AP3D1: variants seen among roughly 807,000 people sequenced by gnomAD.
AP3D1 encodes the protein AP-3 complex subunit delta-1.
In AP3D1, 51 loss-of-function variants were observed where a neutral mutation model predicts 147.6. The observed-to-expected ratio is 0.35, with a 90% CI of 0.28 to 0.44. The LOEUF (loss-of-function observed/expected upper bound fraction) is 0.44. Ranked by LOEUF, AP3D1 falls within the 20% of genes least tolerant of loss-of-function variation. AP3D1 has a pLI of 1.00. For synonymous variants in AP3D1, 760 were observed against 663.0 expected, an observed-to-expected ratio of 1.15 and a Z score of -2.25; for missense variants, 1,421 against 1,624.2, an observed-to-expected ratio of 0.87 and a Z score of 2.15.
chr19:2,164,455 G>C (rs2144622206), exon 1 of AP3D1: 1 of 366,830 alleles, frequency 2.7e-6, no homozygotes, highest in Non-Finnish European at 4.7e-6. Flanking sequence ...CGCAGGGTGG[G>C]AGCCCCGCGC....
In AP3D1 at chr19:2,101,904, C is replaced by A; in HGVS notation, c.*269G>T. Reference sequence around the variant, plus strand: ...ACTCGGCCCCCAGCGCGGGGCAGGGCACAGACCCAGGTGGGGGAGTCCCTT... The same window carrying A: ...ACTCGGCCCCCAGCGCGGGGCAGGGAACAGACCCAGGTGGGGGAGTCCCTT... On this transcript the variant is annotated 3_prime_UTR_variant, in exon 32 of 32. Coordinates refer to ENST00000643116, the MANE Select transcript of AP3D1 (RefSeq NM_001261826.3). 1 of 467,864 alleles carries A rather than the reference C, an allele frequency of 2.1e-6. No individual in the cohort carries two copies. Among genetic ancestry groups the A allele is most frequent in the Non-Finnish European group, 3.9e-6 (1 of 258,664 alleles). The allele number at this position is 467,864 out of a possible 1,614,324, so 29.0% of individuals were successfully genotyped here.
intron 31 of AP3D1, among the ~76,000 whole-genome samples, chr19:2,102,946 T>C (rs1257492541): frequency 6.6e-6 from 1 of 150,590 alleles, no homozygotes; most frequent in African/African-American, 2.4e-5. Context: ...CAAAACTCCA[T>C]CTCAAAAATA....
intron 22 of AP3D1, among the ~76,000 whole-genome samples, chr19:2,113,705 G>C (rs2018353319): frequency 6.6e-6 from 1 of 152,250 alleles, no homozygotes; most frequent in African/African-American, 2.4e-5. Flanking sequence ...GTCTGCCTGG[G>C]CCACCTGACG....
chr19:2,161,966 T>G (rs997760127), intron 1 of AP3D1, among the ~76,000 whole-genome samples: 1 of 144,022 alleles, frequency 6.9e-6, no homozygotes, highest in Non-Finnish European at 1.5e-5. Flanking sequence ...AATAAATAAA[T>G]AAAAAGACCA....
intron 25 of AP3D1, 129 bp from the exon 26 acceptor site, chr19:2,111,461 G>A: frequency 7.7e-7 from 1 of 1,300,966 alleles, no homozygotes; most frequent in Non-Finnish European, 1.1e-6. Flanking sequence ...GGCTTCAAAG[G>A]AGCCGATGAG....
chr19:2,117,404 C>T (rs1313130177), intron 15 of AP3D1, 37 bp from the exon 16 acceptor site: 10 of 1,529,314 alleles, frequency 6.5e-6, no homozygotes, highest in South Asian at 1.2e-5. Flanking sequence ...GGCACCTGCC[C>T]GGAAGGCCAC....
At chr19:2,151,039 C>T (rs1388223517) in intron 1 of AP3D1, among the ~76,000 whole-genome samples, 200 bp downstream of exon 1, 1 of 152,250 alleles carries the variant, frequency 6.6e-6, no homozygotes, top group Non-Finnish European at 1.5e-5. Flanking sequence ...CTTCGCCCCT[C>T]GTGGGGAAAC....
At chr19:2,140,221 A>C (rs2019183492) in intron 1 of AP3D1, among the ~76,000 whole-genome samples, 1 of 152,128 alleles carries the variant, frequency 6.6e-6, no homozygotes, top group Non-Finnish European at 1.5e-5. Flanking sequence ...ACGAGGGCAA[A>C]GGGGATGTCA....
At chr19:2,160,134 C>A (rs1244179843) in intron 1 of AP3D1, among the ~76,000 whole-genome samples, 1 of 151,978 alleles carries the variant, frequency 6.6e-6, no homozygotes, top group Non-Finnish European at 1.5e-5. Flanking sequence ...CAGGCGTGAG[C>A]CACCGTGCCC....
intron 8 of AP3D1, 131 bp from the exon 9 acceptor site, chr19:2,127,332 C>T (rs572030899): frequency 1.8e-5 from 17 of 936,682 alleles, no homozygotes; most frequent in Middle Eastern, 2.2e-4. Context: ...GGAGGGAGCC[C>T]GTGCCTTGCT....
At position 2,102,014 on chromosome 19, in the gene AP3D1, C is replaced by A; in HGVS notation, c.*159G>T. The A allele has an allele frequency of 1.6e-6, 1 of 624,566 alleles. No individual in the cohort carries two copies. Among genetic ancestry groups the A allele is most frequent in the Non-Finnish European group, 2.8e-6 (1 of 355,508 alleles). 38.7% of individuals were successfully genotyped at this position (624,566 alleles called of 1,614,324 possible). ...AAAAGGATGGTCAGATAATTCAACG[C>A]AACAAATGACCTCGGATGTCTACAC... is the stretch of plus-strand genomic sequence containing the variant. On this transcript the variant is annotated 3_prime_UTR_variant, in exon 32 of 32. Coordinates refer to ENST00000643116, the MANE Select transcript of AP3D1 (RefSeq NM_001261826.3).
At chr19:2,122,269 G>T (rs2018633301) in intron 11 of AP3D1, among the ~76,000 whole-genome samples, 1 of 152,190 alleles carries the variant, frequency 6.6e-6, no homozygotes, top group African/African-American at 2.4e-5. Context: ...AGTACTCACT[G>T]TTCACCCGAC....
intron 14 of AP3D1, 113 bp downstream of exon 14, chr19:2,120,749 C>T (rs948640944): frequency 4.1e-5 from 44 of 1,076,938 alleles, no homozygotes; most frequent in African/African-American, 3.7e-4. Flanking sequence ...GCAAGACGGC[C>T]GGGGTGGCAG....
intron 14 of AP3D1, 61 bp from the exon 15 acceptor site, chr19:2,118,893 G>C: frequency 6.6e-7 from 1 of 1,510,968 alleles, no homozygotes; most frequent in Non-Finnish European, 9.0e-7. Context: ...TCTCTAGCAG[G>C]TGAGGACCTA....
chr19:2,111,014 G>T (rs560170643), intron 26 of AP3D1, 118 bp from the exon 27 acceptor site: 2 of 1,178,100 alleles, frequency 1.7e-6, no homozygotes, highest in East Asian at 5.1e-5. Context: ...AGGAAGGCAC[G>T]GAGAGGGGCG....
At chr19:2,121,422 G>T in intron 12 of AP3D1, 111 bp from the exon 13 acceptor site, 2 of 1,371,940 alleles carry the variant, frequency 1.5e-6, no homozygotes, top group East Asian at 4.6e-5. Context: ...AGGCGGACCC[G>T]GATTCACAGA....
At position 2,137,586 on chromosome 19, in the gene AP3D1, G is replaced by A. The variant is rs1312518335; in HGVS notation, c.273+141C>T. ...CTGTCTCAGCCTCCCAAAGTGCTGG[G>A]ATTACAGGCCACTGAATCCACCTTG... On this transcript the variant is annotated intron_variant, in intron 3 of 31. Transcript: ENST00000643116. The A allele has an allele frequency of 1.5e-5, 11 of 726,208 alleles. No individual in the cohort carries two copies. In the East Asian group the frequency reaches 2.3e-4, roughly 15 times the overall value. 45.0% of individuals were successfully genotyped at this position (726,208 alleles called of 1,614,324 possible).
chr19:2,151,696 A>G (rs1232574291), upstream of AP3D1: 1 of 152,442 alleles, frequency 6.6e-6, no homozygotes, highest in Non-Finnish European at 1.5e-5. Flanking sequence ...AGGTAGTCCA[A>G]TGGAAATGTG....
chr19:2,156,933 T>C (rs1399389162), intron 1 of AP3D1, among the ~76,000 whole-genome samples: 1 of 103,168 alleles, frequency 9.7e-6, no homozygotes, highest in Non-Finnish European at 1.8e-5. Flanking sequence ...CCCACCCATC[T>C]ATCCATTCAC....
Sources: allele counts gnomAD v4.1 joint callset (sites outside exome capture counted in the v4.1 genomes callset), GRCh38; gene constraint gnomAD v4.1.1; transcripts MANE v1.5; gene names NCBI Gene and HGNC (gene_info 2026-07-23, HGNC 2026-07-21).